Variants in PLEKHA8 observed in about 807,000 individuals in gnomAD.
The protein encoded by PLEKHA8 is pleckstrin homology domain-containing family A member 8.
PLEKHA8 carries 36 observed loss-of-function variants against 68.2 expected under a neutral mutation model. The observed-to-expected ratio is 0.53, with a 90% CI of 0.40 to 0.70. The LOEUF (loss-of-function observed/expected upper bound fraction) is 0.70. Ranked by LOEUF, PLEKHA8 falls within the 30% of genes least tolerant of loss-of-function variation. The probability of loss-of-function intolerance (pLI) is 0.00; values close to 1 mark genes in which losing one functional copy is unlikely to be tolerated. For synonymous variants in PLEKHA8, 211 were observed against 216.1 expected (o/e 0.98, Z 0.20); for missense variants, 505 against 615.4 (o/e 0.82, Z 1.90).
chr7:30,097,670 A>G (rs1466512820), intron 13 of PLEKHA8, among the ~76,000 whole-genome samples: 2 of 152,116 alleles, frequency 1.3e-5, no homozygotes, highest in Non-Finnish European at 2.9e-5. Flanking sequence ...CGTGGTTTTC[A>G]GCTCCATCAG....
intron 1 of PLEKHA8, among the ~76,000 whole-genome samples, chr7:30,035,625 T>C (rs1330698865): frequency 3.3e-5 from 5 of 152,050 alleles, no homozygotes; most frequent in African/African-American, 9.7e-5. Context: ...GAGCTCTTTA[T>C]ATATTCTTAT....
intron 1 of PLEKHA8, among the ~76,000 whole-genome samples, chr7:30,031,529 G>C (rs1269736528): frequency 6.6e-6 from 1 of 152,182 alleles, no homozygotes; most frequent in Admixed American, 6.5e-5. Context: ...GAGAGCTGAG[G>C]AGAGTGAGGC....
chr7:30,060,841 T>TAA, intron 9 of PLEKHA8, 43 bp from the exon 10 acceptor site: 3 of 1,547,356 alleles, frequency 1.9e-6, no homozygotes, highest in Non-Finnish European at 2.7e-6. Flanking sequence ...TATTGCCACT[T>TAA]AAAAATTGCT....
chr7:30,047,016 C>T (rs1000951997), intron 3 of PLEKHA8, among the ~76,000 whole-genome samples: 1 of 152,182 alleles, frequency 6.6e-6, no homozygotes, highest in Non-Finnish European at 1.5e-5. Flanking sequence ...TGCCCCATGG[C>T]CCTAAATGTA....
At chr7:30,073,563 TAAAAAAAAAAAAAAA>T (rs35738941) in intron 12 of PLEKHA8, among the ~76,000 whole-genome samples, 1 of 111,776 alleles carries the variant, frequency 8.9e-6, no homozygotes, top group African/African-American at 3.6e-5. Context: ...TTGTGTTTCT[TAAAAAAAAAAAAAAA>T]AAAAAAAAAA....
At chr7:30,100,706 T>C (rs571665235) in intron 13 of PLEKHA8, among the ~76,000 whole-genome samples, 1 of 152,310 alleles carries the variant, frequency 6.6e-6, no homozygotes, top group South Asian at 2.1e-4. Context: ...TAACCACTTC[T>C]ATTCATTATT....
At chr7:30,110,053 C>T (rs1796218773) in intron 13 of PLEKHA8, among the ~76,000 whole-genome samples, 1 of 152,190 alleles carries the variant, frequency 6.6e-6, no homozygotes, top group Non-Finnish European at 1.5e-5. Context: ...AATTTACCCA[C>T]TTAGCATATA....
chr7:30,087,083 G>A (rs1456788177), downstream of PLEKHA8, among the ~76,000 whole-genome samples: 1 of 152,180 alleles, frequency 6.6e-6, no homozygotes, highest in African/African-American at 2.4e-5. Flanking sequence ...CTTGTGTATG[G>A]CCAGTTTTAG....
chr7:30,097,724 T>A (rs975996879), intron 13 of PLEKHA8, among the ~76,000 whole-genome samples: 3 of 152,174 alleles, frequency 2.0e-5, no homozygotes, highest in Admixed American at 2.0e-4. Context: ...AGTTAGCCGT[T>A]TGTCTAATTT....
rs188566848 is a variant in PLEKHA8 at position 30,040,380 on chromosome 7, T to C, written c.41-4705T>C. Among the ~76,000 whole-genome samples the C allele has an allele frequency of 2.0e-3, 298 of 152,352 alleles. 2 individuals are homozygous for C. Among genetic ancestry groups the C allele is most frequent in the African/African-American group, 6.6e-3 (274 of 41,580 alleles). On this transcript the variant is annotated intron_variant, in intron 1 of 13. Transcript: ENST00000449726. Reference sequence around the variant, plus strand: ...GTTTAGGTCCCATGTGATGGCAAACTGCTGCAGGCAGCTGCAGGCTAACAT... The same window carrying C: ...GTTTAGGTCCCATGTGATGGCAAACCGCTGCAGGCAGCTGCAGGCTAACAT...
chr7:30,034,469 A>G (rs1790908910), intron 1 of PLEKHA8, among the ~76,000 whole-genome samples: 1 of 152,216 alleles, frequency 6.6e-6, no homozygotes, highest in African/African-American at 2.4e-5. Context: ...CCTGCGAATA[A>G]CCAAAAGCCT....
chr7:30,099,768 T>G (rs1350272248), intron 13 of PLEKHA8, among the ~76,000 whole-genome samples: 1 of 152,108 alleles, frequency 6.6e-6, no homozygotes, highest in African/African-American at 2.4e-5. Context: ...AATTCTTCAC[T>G]CTCTCTGAAT....
At chr7:30,057,736 C>T (rs556147533) in intron 9 of PLEKHA8, among the ~76,000 whole-genome samples, 3 of 152,302 alleles carry the variant, frequency 2.0e-5, no homozygotes, top group African/African-American at 7.2e-5. Flanking sequence ...GCTGGGATTA[C>T]AGGAGTGAGC....
At chr7:30,058,855 A>C (rs944864081) in intron 9 of PLEKHA8, among the ~76,000 whole-genome samples, 1 of 152,248 alleles carries the variant, frequency 6.6e-6, no homozygotes, top group African/African-American at 2.4e-5. Flanking sequence ...GGCTGGGCTC[A>C]CTGGCTTATA....
chr7:30,121,419 A>G (rs1315532011), intron 13 of PLEKHA8, among the ~76,000 whole-genome samples: 2 of 152,176 alleles, frequency 1.3e-5, no homozygotes, highest in Admixed American at 6.5e-5. Context: ...ACTTGAGATT[A>G]GGAGTTCGAG....
intron 9 of PLEKHA8, among the ~76,000 whole-genome samples, chr7:30,056,312 C>CTCTATA (rs796845171): frequency 0.016 from 1,555 of 94,486 alleles, 59 homozygotes; most frequent in East Asian, 0.045. Context: ...CTCTCTCTCT[C>CTCTATA]TATATATATA....
chr7:30,120,114 A>T (rs1796671015), intron 13 of PLEKHA8, among the ~76,000 whole-genome samples: 1 of 151,796 alleles, frequency 6.6e-6, no homozygotes, highest in African/African-American at 2.4e-5. Context: ...CCACAATGAG[A>T]TACCTCTTCA....
chr7:30,035,513 A>G (rs1373693417), intron 1 of PLEKHA8, among the ~76,000 whole-genome samples: 3 of 152,126 alleles, frequency 2.0e-5, no homozygotes, highest in South Asian at 2.1e-4. Flanking sequence ...ATTCTTTTTC[A>G]TATAATTATT....
Position 30,082,574 on chromosome 7 carries a change from A to C in PLEKHA8, c.*3787A>C, listed in dbSNP as rs1794995327. 1.0e-6 allele frequency: 1 copy of C among 984,974 alleles called. No homozygotes were observed. The allele number at this position is 984,974 out of a possible 1,614,324, so 61.0% of individuals were successfully genotyped here. On this transcript the variant is annotated 3_prime_UTR_variant, in exon 14 of 14. Transcript: ENST00000449726. The stretch of plus-strand genomic sequence containing the variant: ...AGGAGTGCAGCGGAAAAAAATTTGC[A>C]CTCTTCTCCTTTTGGTTATTACTTT...
Sources: allele counts gnomAD v4.1 joint callset (sites outside exome capture counted in the v4.1 genomes callset), GRCh38; gene constraint gnomAD v4.1.1; transcripts MANE v1.5; gene names NCBI Gene and HGNC (gene_info 2026-07-23, HGNC 2026-07-21).